HUWE1: variants seen among roughly 807,000 people sequenced by gnomAD.
HUWE1 encodes the protein HECT, UBA and WWE domain containing E3 ubiquitin protein ligase 1, also known as E3 ubiquitin-protein ligase HUWE1.
HUWE1 carries 18 observed loss-of-function variants against 299.4 expected under a neutral mutation model. The ratio of observed to expected loss-of-function variants is 0.06; its 90% CI spans 0.04 to 0.09. The LOEUF is 0.09. Among genes scored for constraint, HUWE1 ranks in the 10% least tolerant of loss-of-function variants. The pLI is 1.00. For synonymous variants in HUWE1, 1,317 were observed against 1,286.1 expected (o/e 1.02, Z -0.51); for missense variants, 1,832 against 3,462.3 (o/e 0.53, Z 11.82).
At chrX:53,598,111 G>C (rs1335531097) in intron 29 of HUWE1, among the ~76,000 whole-genome samples, 1 of 111,877 alleles carries the variant, frequency 8.9e-6, no homozygotes, top group Non-Finnish European at 1.9e-5. Flanking sequence ...AGTAACAGAA[G>C]ACGTCTTGAT....
At chrX:53,590,564 C>T in intron 34 of HUWE1, 65 bp from the exon 35 acceptor site, 3 of 795,630 alleles carry the variant, frequency 3.8e-6, no homozygotes, top group East Asian at 3.1e-5. Flanking sequence ...AACAAGACCA[C>T]TGCAACTCAC....
intron 4 of HUWE1, among the ~76,000 whole-genome samples, chrX:53,649,874 C>G (rs1312499037): frequency 1.8e-5 from 2 of 112,280 alleles, no homozygotes; most frequent in Non-Finnish European, 3.8e-5. Context: ...TGTCCCATAA[C>G]CAGGCATTCA....
chrX:53,569,547 C>T, intron 48 of HUWE1, 69 bp downstream of exon 48: 1 of 1,035,824 alleles, frequency 9.7e-7, no homozygotes, highest in East Asian at 3.0e-5. Flanking sequence ...TGCAAAACCA[C>T]CCATGGACTA....
Position 53,661,941 on chromosome X carries a change from T to G in HUWE1, c.-24-7810A>C, listed in dbSNP as rs782077196. 1.3e-4 allele frequency among the ~76,000 whole-genome samples: 14 copies of G among 111,997 alleles called. No individual in the cohort carries two copies. The South Asian group carries it at 5.2e-3, about 42-fold the overall frequency. On this transcript the variant is annotated intron_variant, in intron 3 of 83. Coordinates refer to ENST00000262854, the MANE Select transcript of HUWE1 (RefSeq NM_031407.7). ...AAGCCACTCAAAGCGTGACTCATATTCTATAGTAATCACCTCCAGTTGATA... is the reference window on the plus strand; with the variant it reads ...AAGCCACTCAAAGCGTGACTCATATGCTATAGTAATCACCTCCAGTTGATA...
intron 29 of HUWE1, among the ~76,000 whole-genome samples, chrX:53,596,392 T>C (rs113831266): frequency 0.019 from 2,172 of 112,362 alleles, 57 homozygotes; most frequent in African/African-American, 0.066. Flanking sequence ...ATGTAGATAC[T>C]AGTCTATTTT....
chrX:53,606,441 A>G (rs1253226203), intron 25 of HUWE1, among the ~76,000 whole-genome samples: 1 of 112,273 alleles, frequency 8.9e-6, no homozygotes, highest in African/African-American at 3.2e-5. Context: ...AATGGCTATT[A>G]TCAAAAAACA....
At chrX:53,590,609 A>G (rs1338339176) in intron 34 of HUWE1, 110 bp from the exon 35 acceptor site, 2 of 597,680 alleles carry the variant, frequency 3.3e-6, no homozygotes, top group Non-Finnish European at 5.7e-6. Context: ...AGCTAAAGAG[A>G]GAGGAAGGGC....
At chrX:53,625,587 C>T in intron 17 of HUWE1, 1 of 204,164 alleles carries the variant, frequency 4.9e-6, no homozygotes, top group South Asian at 9.3e-5. Flanking sequence ...AATCAATGTG[C>T]AAATTGTTGG....
At chrX:53,604,044 C>T (rs1556994149) in intron 26 of HUWE1, among the ~76,000 whole-genome samples, 3 of 111,537 alleles carry the variant, frequency 2.7e-5, no homozygotes, top group Non-Finnish European at 5.6e-5. Context: ...CACACTCCTG[C>T]TCAATAGCAT....
chrX:53,660,859 CAT>C (rs782708135), intron 3 of HUWE1, among the ~76,000 whole-genome samples: 16 of 100,327 alleles, frequency 1.6e-4, no homozygotes, highest in African/African-American at 5.0e-4. Context: ...CTAGGGAATT[CAT>C]ATGATATTTT....
chrX:53,543,610 T>C, intron 73 of HUWE1: 1 of 450,048 alleles, frequency 2.2e-6, no homozygotes, highest in Non-Finnish European at 3.7e-6. Context: ...CACTGTTGAC[T>C]GGATAGCTGG....
rs1200813642 is a variant in HUWE1 at position 53,534,200 on chromosome X, G to A, written c.12832-3C>T. The A allele has an allele frequency of 2.5e-6, 3 of 1,201,675 alleles. No homozygotes were observed. The African/African-American group carries it at 5.3e-5, about 21-fold the overall frequency. The stretch of plus-strand genomic sequence containing the variant: ...AATGCTCTCCAGAACCACTGGATCT[G>A]TAGGAAGGGACCCATGAAGCCAGTG... On this transcript the variant is annotated splice_polypyrimidine_tract_variant and splice_region_variant and intron_variant, in intron 82 of 83. Transcript: ENST00000262854.
chrX:53,552,360 T>A lies in HUWE1; in HGVS notation c.8832A>T (p.Leu2944=). The change falls in exon 63 of 84, where the codon CTA becomes CTT. Residue 2944 remains leucine (L), a synonymous_variant. Transcript: ENST00000262854. ...AISGADSRGI[L]EEPLPSTSSE... ...TGCTTGTTGAAGGCAACGGCTCTTC[T>A]AGGATTCCTCGGGAATCTGCTCCAG... The A allele has an allele frequency of 8.3e-7, 1 of 1,211,550 alleles. No homozygotes were observed. The highest frequency in any genetic ancestry group is 3.0e-5 in the East Asian group (1 of 33,827).
Position 53,604,643 on chromosome X carries a change from G to A in HUWE1, c.2688C>T (p.Leu896=), listed in dbSNP as rs2065062644. 1 of 1,208,358 alleles carries A rather than the reference G, an allele frequency of 8.3e-7. No individual in the cohort carries two copies. The highest frequency in any genetic ancestry group is 1.7e-5 in the African/African-American group (1 of 57,266). Residue 896 remains leucine (L), a synonymous_variant, in exon 26 of 84, where the codon CTC becomes CTT. Coordinates refer to ENST00000262854, the MANE Select transcript of HUWE1 (RefSeq NM_031407.7). ...SAQATPLLHA[L]TAAHAYIMMF... is the part of the protein sequence containing the mutation. Reference sequence around the variant, plus strand: ...TCATGATGTAGGCATGGGCAGCAGTGAGTGCATGCAGCAGAGGTGTGGCCT... The same window carrying A: ...TCATGATGTAGGCATGGGCAGCAGTAAGTGCATGCAGCAGAGGTGTGGCCT...
At chrX:53,595,137 A>G in intron 30 of HUWE1, 50 bp downstream of exon 30, 7 of 1,052,802 alleles carry the variant, frequency 6.6e-6, no homozygotes, top group Non-Finnish European at 8.0e-6. Context: ...AACAACTTAC[A>G]TATTTTTTAT....
chrX:53,538,234 T>A, intron 77 of HUWE1, 103 bp downstream of exon 77: 1 of 575,223 alleles, frequency 1.7e-6, no homozygotes, highest in Non-Finnish European at 3.1e-6. Context: ...TTCCAAGTGC[T>A]GTCACCAAAG....
At chrX:53,538,699 C>CAT in intron 76 of HUWE1, 136 bp downstream of exon 76, 4 of 179,700 alleles carry the variant, frequency 2.2e-5, no homozygotes, top group Non-Finnish European at 4.1e-5. Context: ...TGTGTATGTA[C>CAT]ACACACACAC....
chrX:53,625,538 T>C, intron 17 of HUWE1: 1 of 264,841 alleles, frequency 3.8e-6, no homozygotes, highest in Non-Finnish European at 6.7e-6. Flanking sequence ...TCAGTTCCCA[T>C]TTTGGATATT....
At chrX:53,671,272 C>G (rs782750566) in intron 3 of HUWE1, among the ~76,000 whole-genome samples, 1 of 111,299 alleles carries the variant, frequency 9.0e-6, no homozygotes, top group Non-Finnish European at 1.9e-5. Flanking sequence ...CCCCAAAAAC[C>G]TATGGAAATA....
Sources: allele counts gnomAD v4.1 joint callset (sites outside exome capture counted in the v4.1 genomes callset), GRCh38; gene constraint gnomAD v4.1.1; transcripts MANE v1.5; gene names NCBI Gene and HGNC (gene_info 2026-07-23, HGNC 2026-07-21).